The following DHRS4 variants were observed in gnomAD, a reference collection of about 807,000 sequenced individuals.
DHRS4 encodes the protein dehydrogenase/reductase 4, also known as dehydrogenase/reductase SDR family member 4.
A neutral mutation model predicts 28.4 loss-of-function variants in DHRS4; 20 were observed. The ratio of observed to expected loss-of-function variants is 0.71; its 90% confidence interval spans 0.50 to 1.02. DHRS4 has a LOEUF of 1.02. Ranked by LOEUF, DHRS4 falls within the 50% of genes least tolerant of loss-of-function variation. The probability of loss-of-function intolerance (pLI) is 0.00; values close to 1 mark genes in which losing one functional copy is unlikely to be tolerated. For synonymous variants in DHRS4, 144 were observed against 146.4 expected (o/e 0.98, Z 0.12); for missense variants, 378 against 367.2 (o/e 1.03, Z -0.24).
chr14:23,965,812 G>A lies in DHRS4; in HGVS notation c.459G>A (p.Val153=), dbSNP rs200242564. ...KAPALMTKAV[V]PEMEKRGGGS... is the part of the protein sequence containing the mutation. ...CAGCCCTGATGACAAAGGCAGTGGT[G>A]CCAGAAATGGAGAAACGAGGGTACA... Residue 153 remains valine, a synonymous_variant, in exon 4 of 8, where the codon GTG becomes GTA. Coordinates refer to ENST00000313250, the MANE Select transcript of DHRS4 (RefSeq NM_021004.4). 583 of 1,606,844 alleles carry A rather than the reference G, an allele frequency of 3.6e-4. 17 individuals carry two copies. The South Asian group carries it at 6.0e-3, about 16-fold the overall frequency.
In DHRS4 at chr14:23,958,556, C is replaced by T. The variant is rs568292859; in HGVS notation, c.307-1346C>T. ...GAGGTGAGATGTTGCCTTTCTTCGC[C>T]TTCTCAATTTAAATTTCAGTTTCTG... On this transcript the variant is annotated intron_variant, in intron 2 of 7. Transcript: ENST00000313250. Among the ~76,000 whole-genome samples the T allele has an allele frequency of 5.0e-4, 76 of 152,256 alleles. No individual in the cohort carries two copies. The South Asian group carries it at 6.6e-3, about 13-fold the overall frequency.
intron 2 of DHRS4, among the ~76,000 whole-genome samples, chr14:23,958,748 T>G (rs764927681): frequency 2.6e-5 from 4 of 152,186 alleles, no homozygotes; most frequent in Non-Finnish European, 5.9e-5. Context: ...CAGAGGGCTC[T>G]TATGAATTAG....
rs1450915817 is a variant in DHRS4 at position 23,965,772 on chromosome 14, T to C, written c.419T>C (p.Ile140Thr). 3 of 1,603,468 alleles carry C rather than the reference T, an allele frequency of 1.9e-6. No homozygotes were observed. The highest frequency in any genetic ancestry group is 2.3e-5 in the East Asian group (1 of 44,296). The change falls in exon 4 of 8, where the codon ATT (isoleucine) becomes ACT (threonine). Residue 140 changes from isoleucine to threonine, a missense_variant. Transcript: ENST00000313250. ...TEEVWDKTLD[I>T]NVKAPALMTK... is the part of the protein sequence containing the mutation. ...TTCTCTTGGCTTCAGACTCTGGACATTAATGTGAAGGCCCCAGCCCTGATG... is the reference window on the plus strand; with the variant it reads ...TTCTCTTGGCTTCAGACTCTGGACACTAATGTGAAGGCCCCAGCCCTGATG...
intron 1 of DHRS4, 81 bp from the exon 2 acceptor site, chr14:23,954,954 G>C: frequency 6.3e-7 from 1 of 1,580,556 alleles, no homozygotes; most frequent in Non-Finnish European, 8.6e-7. Flanking sequence ...TCAAACCCGG[G>C]CAGTCTTAAC....
At chr14:23,959,658 A>C (rs1276618863) in intron 2 of DHRS4, among the ~76,000 whole-genome samples, 1 of 151,442 alleles carries the variant, frequency 6.6e-6, no homozygotes, top group African/African-American at 2.4e-5. Context: ...GATAGTTCCT[A>C]AGTAGGAAGA....
chr14:23,963,151 G>T (rs532420813), intron 3 of DHRS4, among the ~76,000 whole-genome samples: 4 of 107,824 alleles, frequency 3.7e-5, no homozygotes, highest in African/African-American at 1.7e-4. Context: ...GCGTAAATCT[G>T]AGGGCCCTAG....
In DHRS4 at chr14:23,955,354, C is replaced by T. The variant is rs533205073; in HGVS notation, c.306+142C>T. 34 of 1,363,448 alleles carry T rather than the reference C, an allele frequency of 2.5e-5. No individual in the cohort carries two copies. In the East Asian group the frequency reaches 8.1e-4, roughly 33 times the overall value. 84.5% of individuals were successfully genotyped at this position (1,363,448 alleles called of 1,614,324 possible). ...CCATATACTAACGTCAGAGAATCAT[C>T]CCATCTCAGTCAGAGAATTTTAAAA... On this transcript the variant is annotated intron_variant, in intron 2 of 7. Transcript: ENST00000313250.
At chr14:23,955,434 G>C (rs529585692) in intron 2 of DHRS4, among the ~76,000 whole-genome samples, 1 of 152,082 alleles carries the variant, frequency 6.6e-6, no homozygotes, top group Non-Finnish European at 1.5e-5. Flanking sequence ...GAAACAGCTG[G>C]TACTGGTTCT....
chr14:23,966,299 A>T lies in DHRS4; in HGVS notation c.548A>T (p.Asn183Ile), dbSNP rs747449020. 2 of 1,613,742 alleles carry T rather than the reference A, an allele frequency of 1.2e-6. No individual in the cohort carries two copies. Among genetic ancestry groups the T allele is most frequent in the African/African-American group, 2.7e-5 (2 of 74,816 alleles). The change falls in exon 6 of 8, where the codon AAT (asparagine) becomes ATT (isoleucine). Residue 183 changes from asparagine to isoleucine, a missense_variant. Physicochemically the swap from Asn to Ile is moderately radical, Grantham distance 149. Transcript: ENST00000313250. ...FSPSPGFSPY[N>I]VSKTALLGLT... ...TTTCTCCAGGGCTTCAGTCCTTACA[A>T]TGTCAGTAAAACAGCCTTGCTGGGC... is the stretch of plus-strand genomic sequence containing the variant.
Position 23,965,333 on chromosome 14 carries a change from A to T in DHRS4, c.409-429A>T, listed in dbSNP as rs1283491845. Among the ~76,000 whole-genome samples the T allele has an allele frequency of 3.6e-5, 4 of 111,044 alleles. 1 individual carries two copies. Among genetic ancestry groups the T allele is most frequent in the South Asian group, 3.1e-4 (1 of 3,202 alleles). 72.8% of individuals were successfully genotyped at this position (111,044 alleles called of 152,430 possible). On this transcript the variant is annotated intron_variant, in intron 3 of 7. Transcript: ENST00000313250. ...CCAGAAGCCAGAGAAGTGCTAGAAC[A>T]ACCCCACATATCCAAGGTCAGGCCA...
rs1448793585 is a variant in DHRS4, at chr14:23,953,776, G to C, written c.-13G>C. On this transcript the variant is annotated 5_prime_UTR_variant, in exon 1 of 8. Transcript: ENST00000313250. ...CCTGGGAAGAGTGGAACCCATACTTGCTGGTCTGATCCATGCACAAGGCGG... is the reference window on the plus strand; with the variant it reads ...CCTGGGAAGAGTGGAACCCATACTTCCTGGTCTGATCCATGCACAAGGCGG... 6.2e-7 allele frequency: 1 copy of C among 1,613,900 alleles called. No individual in the cohort carries two copies. The highest frequency in any genetic ancestry group is 8.5e-7 in the Non-Finnish European group (1 of 1,179,922).
intron 3 of DHRS4, among the ~76,000 whole-genome samples, chr14:23,961,546 C>T (rs1276444205): frequency 3.6e-5 from 4 of 111,840 alleles, no homozygotes; most frequent in Non-Finnish European, 6.9e-5. Flanking sequence ...TTTTTTTTTC[C>T]CTCGCTGTGT....
chr14:23,957,076 G>A (rs928826484), intron 2 of DHRS4, among the ~76,000 whole-genome samples: 9 of 152,140 alleles, frequency 5.9e-5, no homozygotes, highest in South Asian at 4.1e-4. Context: ...AGGAGACACC[G>A]AATCCAGGGC....
chr14:23,964,839 A>T (rs2033558448), intron 3 of DHRS4, among the ~76,000 whole-genome samples: 1 of 148,834 alleles, frequency 6.7e-6, no homozygotes, highest in Non-Finnish European at 1.5e-5. Context: ...GGCCTCCCGA[A>T]GTGCAGGGAT....
At chr14:23,961,552 T>G (rs1464021161) in intron 3 of DHRS4, among the ~76,000 whole-genome samples, 1 of 125,794 alleles carries the variant, frequency 7.9e-6, no homozygotes, top group Non-Finnish European at 1.6e-5. Context: ...TTTCCCTCGC[T>G]GTGTCATTGA....
chr14:23,960,401 G>T (rs1957687), intron 3 of DHRS4, among the ~76,000 whole-genome samples: 44,249 of 151,460 alleles, frequency 0.29, 6,956 homozygotes, highest in East Asian at 0.45. Flanking sequence ...TATTTTTTAC[G>T]AGTTGGGAAA....
chr14:23,958,105 G>C (rs985493792), intron 2 of DHRS4, among the ~76,000 whole-genome samples: 15 of 151,950 alleles, frequency 9.9e-5, no homozygotes, highest in African/African-American at 3.4e-4. Context: ...ACAGAGCCAA[G>C]GCAGGTGACT....
chr14:23,967,493 C>T (rs550969833), intron 7 of DHRS4: 32 of 823,494 alleles, frequency 3.9e-5, no homozygotes, highest in Non-Finnish European at 6.3e-5. Flanking sequence ...CAGTGCAGAG[C>T]TCTGGGAGAA....
chr14:23,962,537 C>A (rs568381812), intron 3 of DHRS4, among the ~76,000 whole-genome samples: 2 of 152,018 alleles, frequency 1.3e-5, no homozygotes, highest in East Asian at 3.9e-4. Flanking sequence ...CCTCAGCCAT[C>A]TACATTTTAT....
Sources: allele counts gnomAD v4.1 joint callset (sites outside exome capture counted in the v4.1 genomes callset), GRCh38; gene constraint gnomAD v4.1.1; transcripts MANE v1.5; gene names NCBI Gene and HGNC (gene_info 2026-07-23, HGNC 2026-07-21).